Variants in RYR2 observed in about 807,000 individuals in gnomAD.
RYR2 encodes the protein ryanodine receptor 2.
RYR2 carries 227 observed loss-of-function variants against 601.1 expected under a neutral mutation model. That is an observed-to-expected ratio of 0.38 (90% CI 0.34 to 0.42). RYR2 has a LOEUF of 0.42. RYR2 is among the 10% of genes least tolerant of loss of function. The pLI, the probability that RYR2 is intolerant of heterozygous loss-of-function variation, is 1.00. For missense variants in RYR2, 4,646 were observed against 6,156.5 expected (o/e 0.75, Z 8.21); for synonymous variants, 2,223 against 2,175.1 (o/e 1.02, Z -0.61).
intron 101 of RYR2, among the ~76,000 whole-genome samples, chr1:237,827,274 AAC>A (rs1663205272): frequency 6.6e-6 from 1 of 152,164 alleles, no homozygotes; most frequent in South Asian, 2.1e-4. Flanking sequence ...AAAACAGCTC[AAC>A]ACAGTGTTTC....
At chr1:237,756,446 C>A in intron 81 of RYR2, 59 bp downstream of exon 81, 1 of 1,118,548 alleles carries the variant, frequency 8.9e-7, no homozygotes, top group Non-Finnish European at 1.3e-6. Context: ...TCGTTGCTCT[C>A]AAGGTCCTCC....
At chr1:237,426,205 A>G (rs897915675) in intron 12 of RYR2, among the ~76,000 whole-genome samples, 5 of 152,212 alleles carry the variant, frequency 3.3e-5, no homozygotes, top group Admixed American at 3.3e-4. Flanking sequence ...GAATGGTAGC[A>G]GATGCCTCTG....
At chr1:237,150,252 G>A (rs1412510715) in intron 1 of RYR2, among the ~76,000 whole-genome samples, 1 of 152,144 alleles carries the variant, frequency 6.6e-6, no homozygotes, top group Non-Finnish European at 1.5e-5. Context: ...CTTGATCACT[G>A]CTCTAGGGCT....
intron 92 of RYR2, among the ~76,000 whole-genome samples, 197 bp downstream of exon 92, chr1:237,788,332 C>T (rs1226094831): frequency 6.6e-6 from 1 of 152,126 alleles, no homozygotes; most frequent in East Asian, 1.9e-4. Flanking sequence ...TACTGTCAAA[C>T]CCATAACCTC....
intron 48 of RYR2, among the ~76,000 whole-genome samples, chr1:237,646,466 A>G (rs1036506368): frequency 6.6e-6 from 1 of 152,158 alleles, no homozygotes. Flanking sequence ...CAGAGCTTCA[A>G]CCACCAATAT....
chr1:237,594,894 T>TG (rs1334728750), intron 33 of RYR2, among the ~76,000 whole-genome samples: 1,234 of 18,180 alleles, frequency 0.068, 48 homozygotes, highest in African/African-American at 0.089. Context: ...GGGTTTTTTT[T>TG]TTTTTTTTTT....
At chr1:237,127,883 C>T (rs10925323) in intron 1 of RYR2, among the ~76,000 whole-genome samples, 9,623 of 149,210 alleles carry the variant, frequency 0.064, 763 homozygotes, top group African/African-American at 0.19. Context: ...CGGGCGGAGA[C>T]GCTCCTCACT....
At chr1:237,360,548 C>T (rs1056238101) in intron 4 of RYR2, among the ~76,000 whole-genome samples, 1 of 152,054 alleles carries the variant, frequency 6.6e-6, no homozygotes, top group African/African-American at 2.4e-5. Flanking sequence ...TTATTATACT[C>T]GAAAGAGAAG....
chr1:237,787,859 G>A lies in RYR2; in HGVS notation c.13329-129G>A, dbSNP rs373354713. The A allele has an allele frequency of 1.0e-3, 875 of 853,808 alleles. 14 individuals are homozygous for A. In the South Asian group the frequency reaches 0.014, roughly 14 times the overall value. 52.9% of individuals were successfully genotyped at this position (853,808 alleles called of 1,614,324 possible). ...AAAATTCAGAATATTATCATTCACC[G>A]GAAAAGAAATTAGTTTTCAAAAGTA... is the stretch of plus-strand genomic sequence containing the variant. On this transcript the variant is annotated intron_variant, in intron 91 of 104. Transcript: ENST00000366574.
chr1:237,391,409 T>A (rs1218010331), intron 10 of RYR2, among the ~76,000 whole-genome samples: 1 of 152,166 alleles, frequency 6.6e-6, no homozygotes, highest in African/African-American at 2.4e-5. Context: ...ACCTTATAAT[T>A]CTTTCCTGTA....
intron 44 of RYR2, among the ~76,000 whole-genome samples, chr1:237,635,764 A>G (rs1337759615): frequency 6.6e-6 from 1 of 152,150 alleles, no homozygotes; most frequent in Non-Finnish European, 1.5e-5. Context: ...ATCTGTTCCT[A>G]CATACCAGCC....
chr1:237,084,089 C>T (rs373399704), intron 1 of RYR2, among the ~76,000 whole-genome samples: 2 of 152,160 alleles, frequency 1.3e-5, no homozygotes, highest in African/African-American at 2.4e-5. Flanking sequence ...GTTTGGTCCT[C>T]GGTCCTCCAT....
At chr1:237,432,473 T>C (rs1000699296) in intron 12 of RYR2, among the ~76,000 whole-genome samples, 4 of 152,094 alleles carry the variant, frequency 2.6e-5, no homozygotes, top group African/African-American at 7.2e-5. Context: ...TGAGTCGAAG[T>C]GGTATAGGGG....
At chr1:237,129,433 TCAAG>T (rs1671913436) in intron 1 of RYR2, among the ~76,000 whole-genome samples, 1 of 152,108 alleles carries the variant, frequency 6.6e-6, no homozygotes, top group Non-Finnish European at 1.5e-5. Flanking sequence ...AACATGGAAA[TCAAG>T]AGAGGAGAAA....
intron 1 of RYR2, among the ~76,000 whole-genome samples, chr1:237,246,450 A>T (rs1686846020): frequency 6.6e-6 from 1 of 151,840 alleles, no homozygotes; most frequent in African/African-American, 2.4e-5. Flanking sequence ...AGCATTATTG[A>T]ATTAGCTGGG....
intron 1 of RYR2, among the ~76,000 whole-genome samples, chr1:237,178,319 A>G (rs1298229580): frequency 6.6e-6 from 1 of 151,952 alleles, no homozygotes; most frequent in African/African-American, 2.4e-5. Flanking sequence ...GAGTTCTTTG[A>G]AAAGGCATTC....
rs113100983 is a variant in RYR2 at position 237,416,611 on chromosome 1, G to T, written c.774-438G>T. Among the ~76,000 whole-genome samples, 1,068 of 152,142 alleles carry T rather than the reference G, an allele frequency of 7.0e-3. 7 individuals are homozygous for T. The highest frequency in any genetic ancestry group is 0.014 in the Middle Eastern group (4 of 294). ...CTTTAAATAATCTAAAACAGAATTT[G>T]GAAGTGCAAATATTTATATACATAT... On this transcript the variant is annotated intron_variant, in intron 10 of 104. Transcript: ENST00000366574.
intron 1 of RYR2, among the ~76,000 whole-genome samples, chr1:237,255,838 A>AGT (rs4006354): frequency 0.54 from 77,494 of 142,724 alleles, 23,042 homozygotes; most frequent in Non-Finnish European, 0.67. Context: ...TTGCTATACC[A>AGT]GTGTGTGTGT....
rs951721891 is a variant in RYR2, at chr1:237,456,840, G to A, written c.1612+105G>A. 5 of 1,301,760 alleles carry A rather than the reference G, an allele frequency of 3.8e-6. No individual in the cohort carries two copies. In the Admixed American group the frequency reaches 8.4e-5, roughly 22 times the overall value. The allele number at this position is 1,301,760 out of a possible 1,614,324, so 80.6% of individuals were successfully genotyped here. A position where few individuals can be genotyped will look rare whatever the true frequency, so the allele number is the denominator to read the frequency against. ...GCCTGTAATTCCAGCAATTTGGGAG[G>A]CTGAGGTGGGAGGATCATTTGAGGC... On this transcript the variant is annotated intron_variant, in intron 16 of 104. Transcript: ENST00000366574.
Sources: gnomAD v4.1 joint callset for allele counts (sites outside exome capture counted in the v4.1 genomes callset) on GRCh38, gnomAD v4.1.1 for gene constraint, MANE v1.5 for transcripts, NCBI Gene and HGNC (gene_info 2026-07-23, HGNC 2026-07-21) for gene names.